Variants in TMPRSS7 observed in about 807,000 individuals in gnomAD.
The protein encoded by TMPRSS7 is transmembrane serine protease 7.
Under a neutral mutation model 95.6 loss-of-function variants are expected in TMPRSS7, and 81 were observed. The observed-to-expected ratio is 0.85, with a 90% CI of 0.71 to 1.02. TMPRSS7 has a LOEUF of 1.02. Among genes scored for constraint, TMPRSS7 ranks in the 50% least tolerant of loss-of-function variants. The pLI, the probability that TMPRSS7 is intolerant of heterozygous loss-of-function variation, is 0.00. For missense variants in TMPRSS7, 945 were observed against 955.2 expected, an observed-to-expected ratio of 0.99 and a Z score of 0.14; for synonymous variants, 364 against 337.8, an observed-to-expected ratio of 1.08 and a Z score of -0.85.
intron 9 of TMPRSS7, among the ~76,000 whole-genome samples, chr3:112,052,087 G>A (rs571903683): frequency 6.6e-6 from 1 of 151,838 alleles, no homozygotes. Flanking sequence ...AGTTAAATAC[G>A]CGTAATATGT....
intron 15 of TMPRSS7, 47 bp downstream of exon 15, chr3:112,075,539 G>A: frequency 7.4e-7 from 1 of 1,353,776 alleles, no homozygotes; most frequent in Non-Finnish European, 9.6e-7. Context: ...TGTGGCCATA[G>A]ACAATATATC....
Position 112,056,255 on chromosome 3 carries a change from T to A in TMPRSS7, c.1204-770T>A, listed in dbSNP as rs1474648005. ...AGCATTCATAAATTTGACCACAAAATTTAAAAAATTTAAGGCACTATAAAT... is the reference window on the plus strand; with the variant it reads ...AGCATTCATAAATTTGACCACAAAAATTAAAAAATTTAAGGCACTATAAAT... On this transcript the variant is annotated intron_variant, in intron 9 of 17. Coordinates refer to ENST00000452346, the Ensembl canonical transcript of TMPRSS7. Among the ~76,000 whole-genome samples the A allele has an allele frequency of 4.6e-5, 7 of 152,254 alleles. No individual in the cohort carries two copies. In the South Asian group the frequency reaches 1.0e-3, roughly 23 times the overall value.
intron 9 of TMPRSS7, among the ~76,000 whole-genome samples, chr3:112,055,779 A>T (rs2073426006): frequency 6.6e-6 from 1 of 152,234 alleles, no homozygotes; most frequent in Admixed American, 6.5e-5. Context: ...CCAGACAAAA[A>T]GCAATTTATA....
At chr3:112,078,125 G>A (rs2073735232) in intron 16 of TMPRSS7, among the ~76,000 whole-genome samples, 1 of 152,178 alleles carries the variant, frequency 6.6e-6, no homozygotes, top group Admixed American at 6.5e-5. Context: ...AGGAGGGAAG[G>A]CAGCTGACTG....
At chr3:112,050,532 A>AAAAAAAAAC (rs2073332786) in intron 8 of TMPRSS7, 139 bp from the exon 9 acceptor site, 1 of 363,106 alleles carries the variant, frequency 2.8e-6, no homozygotes, top group South Asian at 7.5e-5. Flanking sequence ...GAAAAAAAAA[A>AAAAAAAAAC]AAAAAACCCA....
At chr3:112,080,562 CTA>C (rs1559966229) in intron 17 of TMPRSS7, among the ~76,000 whole-genome samples, 2 of 80,404 alleles carry the variant, frequency 2.5e-5, no homozygotes, top group Admixed American at 1.6e-4. Flanking sequence ...ACTACTACTA[CTA>C]CTACTATTAC....
exon 17 of TMPRSS7, chr3:112,078,849 A>G: frequency 6.2e-7 from 1 of 1,614,098 alleles, no homozygotes; most frequent in Non-Finnish European, 8.5e-7. Flanking sequence ...CTGTGCAGGC[A>G]TAATGTCAGG....
At chr3:112,047,884 C>G (rs267599546) in exon 7 of TMPRSS7, 2 of 1,614,068 alleles carry the variant, frequency 1.2e-6, no homozygotes, top group Non-Finnish European at 1.7e-6. Flanking sequence ...TCAAGTCCAT[C>G]CAAATCGAAG....
At position 112,050,790 on chromosome 3, in the gene TMPRSS7, T is replaced by A; in HGVS notation, c.1203+7T>A. 6.6e-7 allele frequency: 1 copy of A among 1,515,248 alleles called. No homozygotes were observed. Among genetic ancestry groups the A allele is most frequent in the Non-Finnish European group, 9.1e-7 (1 of 1,103,206 alleles). The allele number at this position is 1,515,248 out of a possible 1,614,324, so 93.9% of individuals were successfully genotyped here. ...GTGTACCTGGAAATTTCAGGTAGCC[T>A]AGTTCTACCAGTGTCTTAGAAAAAT... On this transcript the variant is annotated splice_region_variant and intron_variant, in intron 9 of 17. Coordinates refer to ENST00000452346, the Ensembl canonical transcript of TMPRSS7.
intron 12 of TMPRSS7, 37 bp from the exon 13 acceptor site, chr3:112,066,355 A>G (rs1295050418): frequency 1.3e-6 from 2 of 1,588,112 alleles, no homozygotes; most frequent in Non-Finnish European, 8.6e-7. Context: ...CTGGTGTCTC[A>G]GGCTCGTGAA....
chr3:112,071,228 A>T (rs1379351751), intron 13 of TMPRSS7, among the ~76,000 whole-genome samples: 1 of 152,176 alleles, frequency 6.6e-6, no homozygotes, highest in East Asian at 1.9e-4. Context: ...TGGATATGAA[A>T]TTCTGGGTTG....
intron 16 of TMPRSS7, among the ~76,000 whole-genome samples, chr3:112,078,078 A>T (rs1213397992): frequency 6.6e-6 from 1 of 152,144 alleles, no homozygotes; most frequent in African/African-American, 2.4e-5. Context: ...AAGTAGTAAT[A>T]CCACCAGCTT....
intron 7 of TMPRSS7, among the ~76,000 whole-genome samples, chr3:112,049,546 G>A (rs1287808710): frequency 1.3e-5 from 2 of 152,166 alleles, no homozygotes; most frequent in Non-Finnish European, 2.9e-5. Flanking sequence ...CAGAGTCCAG[G>A]ACCTTAGCCA....
At chr3:112,047,054 T>C (rs1336337718) in intron 6 of TMPRSS7, 42 bp downstream of exon 6, 14 of 698,104 alleles carry the variant, frequency 2.0e-5, no homozygotes, top group Non-Finnish European at 3.4e-5. Context: ...CATGTTAATA[T>C]TGTTTTTGGC....
At chr3:112,070,685 A>G (rs1370465082) in intron 13 of TMPRSS7, among the ~76,000 whole-genome samples, 5 of 152,090 alleles carry the variant, frequency 3.3e-5, no homozygotes, top group Admixed American at 3.3e-4. Flanking sequence ...TGCTTGGTAG[A>G]TCTTCCTCCA....
At chr3:112,068,680 C>T (rs2073605861) in intron 13 of TMPRSS7, among the ~76,000 whole-genome samples, 1 of 152,128 alleles carries the variant, frequency 6.6e-6, no homozygotes, top group Admixed American at 6.5e-5. Flanking sequence ...ATTTTATATC[C>T]TGAGACTGCT....
At chr3:112,076,419 C>T (rs140630235) in intron 15 of TMPRSS7, among the ~76,000 whole-genome samples, 49 of 152,306 alleles carry the variant, frequency 3.2e-4, no homozygotes, top group African/African-American at 1.1e-3. Flanking sequence ...GAAGGAATTT[C>T]ATTAAATTCC....
intron 9 of TMPRSS7, among the ~76,000 whole-genome samples, chr3:112,055,139 G>C (rs16859114): frequency 0.25 from 37,981 of 151,942 alleles, 4,866 homozygotes; most frequent in Middle Eastern, 0.28. Context: ...AAACATAAGA[G>C]AATCCTTTTC....
chr3:112,050,529 A>AAAAAAAAAAAAC, intron 8 of TMPRSS7, 142 bp from the exon 9 acceptor site: 1 of 360,272 alleles, frequency 2.8e-6, no homozygotes, highest in East Asian at 4.4e-5. Flanking sequence ...TCTGAAAAAA[A>AAAAAAAAAAAAC]AAAAAAAAAC....
Sources: allele counts gnomAD v4.1 joint callset (sites outside exome capture counted in the v4.1 genomes callset), GRCh38; gene constraint gnomAD v4.1.1; transcripts MANE v1.5; gene names NCBI Gene and HGNC (gene_info 2026-07-23, HGNC 2026-07-21).